The following CRYBA4 variants were observed in gnomAD, a reference collection of about 807,000 sequenced individuals.
CRYBA4 encodes the protein beta-crystallin A4.
CRYBA4 carries 30 observed loss-of-function variants against 31.7 expected under a neutral mutation model. That is an observed-to-expected ratio of 0.95 (90% CI 0.71 to 1.28). CRYBA4 has a LOEUF of 1.28. Among genes scored for constraint, CRYBA4 ranks in the 50% most tolerant of loss-of-function variants. The probability of loss-of-function intolerance (pLI) is 0.00; values close to 1 mark genes in which losing one functional copy is unlikely to be tolerated. For missense variants in CRYBA4, 225 were observed against 260.7 expected, an observed-to-expected ratio of 0.86 and a Z score of 0.94; for synonymous variants, 102 against 102.3, an observed-to-expected ratio of 1.00 and a Z score of 0.02.
At chr22:26,629,733 T>TAAAAAAAAAAAAAAAA (rs1929862237) in intron 5 of CRYBA4, among the ~76,000 whole-genome samples, 1 of 4,280 alleles carries the variant, frequency 2.3e-4, no homozygotes, top group African/African-American at 1.9e-3. Context: ...AGACTCTGTC[T>TAAAAAAAAAAAAAAAA]CAAAAAAAAA....
At chr22:26,618,335 C>A (rs150119007), upstream of CRYBA4, among the ~76,000 whole-genome samples, 45 of 152,324 alleles carry the variant, frequency 3.0e-4, 1 homozygote, top group African/African-American at 1.0e-3. Context: ...AAAGGGGAGA[C>A]CCTGGGAGGC....
At chr22:26,612,141 G>A in the CRYBA4 span, 72 of 1,613,926 alleles carry the variant, frequency 4.5e-5, no homozygotes, top group African/African-American at 1.2e-4. Context: ...GCACTCCCCC[G>A]AGAATTCTGC....
At chr22:26,622,446 G>A (rs1036461450) in intron 1 of CRYBA4, 139 bp from the exon 2 acceptor site, 1 of 739,720 alleles carries the variant, frequency 1.4e-6, no homozygotes, top group Non-Finnish European at 2.5e-6. Flanking sequence ...AGAGGGACAG[G>A]CCAAAGCCAT....
At chr22:26,606,662 T>C in the CRYBA4 span, among the ~76,000 whole-genome samples, 1 of 152,232 alleles carries the variant, frequency 6.6e-6, no homozygotes, top group Non-Finnish European at 1.5e-5. Flanking sequence ...CTGCGAAAAG[T>C]GTTGGGAATG....
chr22:26,628,269 G>A lies in CRYBA4; in HGVS notation c.301-19G>A, dbSNP rs1288765008. 2.2e-5 allele frequency: 35 copies of A among 1,613,880 alleles called. No individual in the cohort carries two copies. Among genetic ancestry groups the A allele is most frequent in the Non-Finnish European group, 2.8e-5 (33 of 1,179,934 alleles). On this transcript the variant is annotated intron_variant, in intron 4 of 5. Transcript: ENST00000354760. ...CAACTGGGAGCCTGCTGGTCTGACTGTGTTCCCTGTTCCTGTAGAACCACC... is the reference window on the plus strand; with the variant it reads ...CAACTGGGAGCCTGCTGGTCTGACTATGTTCCCTGTTCCTGTAGAACCACC...
At chr22:26,615,809 C>T in the CRYBA4 span, among the ~76,000 whole-genome samples, 5 of 152,134 alleles carry the variant, frequency 3.3e-5, no homozygotes, top group Non-Finnish European at 5.9e-5. Flanking sequence ...CCACTGCGCC[C>T]GGCCCCACTT....
chr22:26,617,719 A>G (rs1180087073), upstream of CRYBA4, among the ~76,000 whole-genome samples: 1 of 140,306 alleles, frequency 7.1e-6, no homozygotes, highest in African/African-American at 2.7e-5. Flanking sequence ...CTCCCCCACT[A>G]TCTCTCCCTC....
At chr22:26,598,907 C>T in the CRYBA4 span, among the ~76,000 whole-genome samples, 7 of 152,214 alleles carry the variant, frequency 4.6e-5, no homozygotes, top group Non-Finnish European at 1.0e-4. Flanking sequence ...TTGAAGAGTA[C>T]AGGCTCTGGA....
chr22:26,611,702 C>T, the CRYBA4 span, among the ~76,000 whole-genome samples: 1 of 152,040 alleles, frequency 6.6e-6, no homozygotes, highest in Non-Finnish European at 1.5e-5. Context: ...TCTCGATCTC[C>T]TGACCTCGTG....
At chr22:26,627,426 T>TTTTC (rs1188252944) in intron 4 of CRYBA4, among the ~76,000 whole-genome samples, 2 of 75,348 alleles carry the variant, frequency 2.7e-5, no homozygotes, top group Admixed American at 1.3e-4. Flanking sequence ...CTTTCTTTCT[T>TTTTC]TTTCTTTCTT....
the CRYBA4 span, chr22:26,599,496 G>T: frequency 1.9e-6 from 3 of 1,612,120 alleles, no homozygotes; most frequent in African/African-American, 2.7e-5. Flanking sequence ...GGACTCACTT[G>T]GGGGGCTCTG....
the CRYBA4 span, chr22:26,607,762 G>A: frequency 1.5e-5 from 20 of 1,299,572 alleles, no homozygotes; most frequent in East Asian, 4.2e-4. Context: ...ACGGTCCTTT[G>A]ACAACTCGGA....
chr22:26,622,864 G>A (rs1466300168), intron 2 of CRYBA4, among the ~76,000 whole-genome samples: 1 of 152,202 alleles, frequency 6.6e-6, no homozygotes, highest in Non-Finnish European at 1.5e-5. Context: ...CAGTCTTTGG[G>A]CATGATTTCT....
At chr22:26,596,383 C>A in the CRYBA4 span, among the ~76,000 whole-genome samples, 2 of 152,200 alleles carry the variant, frequency 1.3e-5, no homozygotes, top group African/African-American at 2.4e-5. Flanking sequence ...AGGCATGAAC[C>A]ACTGTGCCTG....
At chr22:26,614,899 A>G in the CRYBA4 span, among the ~76,000 whole-genome samples, 1 of 152,248 alleles carries the variant, frequency 6.6e-6, no homozygotes, top group East Asian at 1.9e-4. Context: ...TAATGCATAA[A>G]ATTGTATACA....
At chr22:26,599,644 C>T in the CRYBA4 span, 6 of 1,614,130 alleles carry the variant, frequency 3.7e-6, no homozygotes, top group South Asian at 3.3e-5. Flanking sequence ...CTGGTACCCG[C>T]GGTAGCCAGG....
At chr22:26,609,158 G>C in the CRYBA4 span, among the ~76,000 whole-genome samples, 27,044 of 152,196 alleles carry the variant, frequency 0.18, 3,157 homozygotes, top group East Asian at 0.38. Flanking sequence ...TCTTCTCCCA[G>C]GGGGCTGCTG....
the CRYBA4 span, among the ~76,000 whole-genome samples, chr22:26,610,256 G>A: frequency 1.3e-5 from 2 of 152,188 alleles, no homozygotes; most frequent in Non-Finnish European, 2.9e-5. Flanking sequence ...AAGGTCACAT[G>A]ATGGTGTTGG....
the CRYBA4 span, among the ~76,000 whole-genome samples, chr22:26,608,775 T>G: frequency 6.6e-6 from 1 of 152,184 alleles, no homozygotes; most frequent in Non-Finnish European, 1.5e-5. Context: ...AATACTGGCC[T>G]GGTATTCGGG....
Sources: gnomAD v4.1 joint callset for allele counts (sites outside exome capture counted in the v4.1 genomes callset) on GRCh38, gnomAD v4.1.1 for gene constraint, MANE v1.5 for transcripts, NCBI Gene and HGNC (gene_info 2026-07-23, HGNC 2026-07-21) for gene names.